Variants in TUBGCP3 observed in about 807,000 individuals in gnomAD.
TUBGCP3 encodes gamma-tubulin complex component 3.
Under a neutral mutation model 123.1 loss-of-function variants are expected in TUBGCP3, and 50 were observed. The observed-to-expected ratio is 0.41, with a 90% confidence interval of 0.32 to 0.51. TUBGCP3 has a LOEUF of 0.51. Ranked by LOEUF, TUBGCP3 falls within the 20% of genes least tolerant of loss-of-function variation. The pLI is 0.36. For missense variants in TUBGCP3, 882 were observed against 1,127.0 expected (o/e 0.78, Z 3.11); for synonymous variants, 405 against 413.9 (o/e 0.98, Z 0.26).
chr13:112,498,829 T>TGTGAAACAGG, intron 20 of TUBGCP3: 1 of 1,575,840 alleles, frequency 6.3e-7, no homozygotes, highest in Non-Finnish European at 8.6e-7. Flanking sequence ...CTGCTGTTTT[T>TGTGAAACAGG]ATTTATTTTG....
intron 8 of TUBGCP3, among the ~76,000 whole-genome samples, chr13:112,549,468 A>G (rs1038018886): frequency 2.0e-5 from 3 of 149,982 alleles, no homozygotes; most frequent in African/African-American, 5.0e-5. Context: ...ATGTACCCTA[A>G]AACTTAAGGT....
chr13:112,531,064 A>C (rs755103892), intron 11 of TUBGCP3, among the ~76,000 whole-genome samples: 2 of 152,220 alleles, frequency 1.3e-5, no homozygotes, highest in Non-Finnish European at 2.9e-5. Flanking sequence ...CCAAAAATGA[A>C]TTTTTTTCTT....
At chr13:112,565,239 T>C in intron 2 of TUBGCP3, 61 bp from the exon 3 acceptor site, 6 of 1,440,588 alleles carry the variant, frequency 4.2e-6, no homozygotes, top group Non-Finnish European at 3.9e-6. Context: ...ATTCTTATGA[T>C]ACTATTTCAC....
intron 1 of TUBGCP3, among the ~76,000 whole-genome samples, chr13:112,578,713 C>T (rs2139314984): frequency 6.6e-6 from 1 of 152,202 alleles, no homozygotes; most frequent in Non-Finnish European, 1.5e-5. Flanking sequence ...TGTTTGATCA[C>T]CAATAAATAG....
In TUBGCP3 at chr13:112,504,072, T is replaced by C. The variant is rs761575204; in HGVS notation, c.2267A>G (p.Asp756Gly). The change falls in exon 19 of 22, where the codon GAC becomes GGC. Residue 756 changes from aspartate (D) to glycine (G), a missense_variant. By Grantham distance (94) the Asp-to-Gly change is moderately conservative. Coordinates refer to ENST00000261965, the MANE Select transcript of TUBGCP3 (RefSeq NM_006322.6). ...CAGCAGGCAGCGGGAGATGATGGTGTCTAAGAACACCTCGTGTGCAGCAAT... is the reference window on the plus strand; with the variant it reads ...CAGCAGGCAGCGGGAGATGATGGTGCCTAAGAACACCTCGTGTGCAGCAAT... ...HIIAAHEVFL[D>G]TIISRCLLDS... 3.7e-6 allele frequency: 6 copies of C among 1,614,088 alleles called. No homozygotes were observed. Among genetic ancestry groups the C allele is most frequent in the Middle Eastern group, 1.7e-4 (1 of 6,060 alleles).
chr13:112,498,082 C>A (rs1880645298), intron 20 of TUBGCP3, among the ~76,000 whole-genome samples: 1 of 151,796 alleles, frequency 6.6e-6, no homozygotes, highest in African/African-American at 2.4e-5. Context: ...ATGCAAAGCA[C>A]ACACACAAAC....
At chr13:112,502,736 G>A (rs1021112462) in intron 19 of TUBGCP3, among the ~76,000 whole-genome samples, 3 of 151,670 alleles carry the variant, frequency 2.0e-5, no homozygotes, top group Non-Finnish European at 2.9e-5. Context: ...TAGTAGAGAC[G>A]GGGTTTCACA....
chr13:112,494,636 T>G (rs1035486520), intron 20 of TUBGCP3, among the ~76,000 whole-genome samples: 5 of 152,220 alleles, frequency 3.3e-5, no homozygotes, highest in Non-Finnish European at 7.3e-5. Flanking sequence ...ATACATGTAC[T>G]CGACTATAAA....
chr13:112,543,699 A>G (rs1372117781), intron 11 of TUBGCP3, among the ~76,000 whole-genome samples: 2 of 152,198 alleles, frequency 1.3e-5, no homozygotes, highest in African/African-American at 2.4e-5. Context: ...AGTCTCAGTT[A>G]AGGCTCAGTC....
intron 17 of TUBGCP3, among the ~76,000 whole-genome samples, chr13:112,505,426 A>G (rs957625234): frequency 2.6e-5 from 4 of 152,254 alleles, no homozygotes; most frequent in Non-Finnish European, 5.9e-5. Flanking sequence ...TTACTGCTTC[A>G]AACGCCCTCA....
chr13:112,499,300 A>G lies in TUBGCP3; in HGVS notation c.2308-115T>C, dbSNP rs1486894760. The G allele has an allele frequency of 3.8e-6, 5 of 1,314,704 alleles. No homozygotes were observed. The South Asian group carries it at 4.6e-5, about 12-fold the overall frequency. 81.4% of individuals were successfully genotyped at this position (1,314,704 alleles called of 1,614,324 possible). A position where few individuals can be genotyped will look rare whatever the true frequency, so the allele number is the denominator to read the frequency against. On this transcript the variant is annotated intron_variant, in intron 19 of 21. Coordinates refer to ENST00000261965, the MANE Select transcript of TUBGCP3 (RefSeq NM_006322.6). ...AAACAAGATATCAACTGAAATTCCC[A>G]AAGTGTTCATTAGCTGTTCATTCAT...
chr13:112,573,569 T>G (rs1379854691), intron 1 of TUBGCP3, among the ~76,000 whole-genome samples: 1 of 152,176 alleles, frequency 6.6e-6, no homozygotes, highest in Non-Finnish European at 1.5e-5. Flanking sequence ...ACTCCCAATC[T>G]GAGGAACTCC....
chr13:112,487,771 C>T (rs1022195582), intron 21 of TUBGCP3, among the ~76,000 whole-genome samples: 1 of 152,158 alleles, frequency 6.6e-6, no homozygotes, highest in Non-Finnish European at 1.5e-5. Context: ...AGGCCAAGGT[C>T]AGACTAAGAC....
At chr13:112,504,770 C>T (rs1398583176) in intron 17 of TUBGCP3, 56 bp from the exon 18 acceptor site, 61 of 1,399,412 alleles carry the variant, frequency 4.4e-5, no homozygotes, top group East Asian at 3.7e-4. Context: ...ACCGACAACG[C>T]GCTGTTCTCC....
intron 8 of TUBGCP3, among the ~76,000 whole-genome samples, chr13:112,548,450 C>T (rs1879254201): frequency 6.6e-6 from 1 of 152,078 alleles, no homozygotes; most frequent in Admixed American, 6.6e-5. Flanking sequence ...AGTGTAGTGA[C>T]TTTAGAGAAT....
chr13:112,493,970 T>C (rs934666991), intron 20 of TUBGCP3, among the ~76,000 whole-genome samples: 2 of 137,376 alleles, frequency 1.5e-5, no homozygotes, highest in African/African-American at 5.6e-5. Context: ...TATGGAAACA[T>C]GGCCTGGTGT....
chr13:112,544,421 C>G (rs1176592504), intron 11 of TUBGCP3: 1 of 143,112 alleles, frequency 7.0e-6, no homozygotes, highest in Non-Finnish European at 1.5e-5. Context: ...CCACTGCACT[C>G]CAGCCTGGGC....
chr13:112,537,367 G>A lies in TUBGCP3; in HGVS notation c.1335+8332C>T, dbSNP rs555399909. On this transcript the variant is annotated intron_variant, in intron 11 of 21. Coordinates refer to ENST00000261965, the MANE Select transcript of TUBGCP3 (RefSeq NM_006322.6). ...GACTGTTTTATCATAAAAGGGTACT[G>A]AATCTCATCAAATGCTTTTTCAGCA... Among the ~76,000 whole-genome samples, 3 of 152,146 alleles carry A rather than the reference G, an allele frequency of 2.0e-5. No individual in the cohort carries two copies. The East Asian group carries it at 5.8e-4, about 29-fold the overall frequency.
rs1018425220 is a variant in TUBGCP3 at position 112,545,641 on chromosome 13, A to C, written c.1335+58T>G. The C allele has an allele frequency of 6.3e-7, 1 of 1,588,426 alleles. No homozygotes were observed. Among genetic ancestry groups the C allele is most frequent in the African/African-American group, 1.3e-5 (1 of 74,442 alleles). On this transcript the variant is annotated intron_variant, in intron 11 of 21. Coordinates refer to ENST00000261965, the MANE Select transcript of TUBGCP3 (RefSeq NM_006322.6). The surrounding 1 kb of genome is among the most constrained non-coding windows in gnomAD (Gnocchi z 4.1). Reference sequence around the variant, plus strand: ...ATCATGAGGGGAAAAATGAAACAGCATAACTGCGTGCCCATGCTTTTTAAA... The same window carrying C: ...ATCATGAGGGGAAAAATGAAACAGCCTAACTGCGTGCCCATGCTTTTTAAA...
Sources: allele counts gnomAD v4.1 joint callset (sites outside exome capture counted in the v4.1 genomes callset), GRCh38; gene constraint gnomAD v4.1.1; non-coding constraint Gnocchi (gnomAD v3.1); transcripts MANE v1.5; gene names NCBI Gene and HGNC (gene_info 2026-07-23, HGNC 2026-07-21).